GPR158: variants seen among roughly 807,000 people sequenced by gnomAD.
GPR158 encodes the protein metabotropic glycine receptor.
GPR158 carries 30 observed loss-of-function variants against 78.2 expected under a neutral mutation model. The observed-to-expected ratio is 0.38, with a 90% confidence interval of 0.29 to 0.52. GPR158 has a LOEUF of 0.52. Among genes scored for constraint, GPR158 ranks in the 20% least tolerant of loss-of-function variants. The probability of loss-of-function intolerance (pLI) is 0.83; values close to 1 mark genes in which losing one functional copy is unlikely to be tolerated. For missense variants in GPR158, 1,463 were observed against 1,523.5 expected, an observed-to-expected ratio of 0.96 and a Z score of 0.66; for synonymous variants, 581 against 591.1, an observed-to-expected ratio of 0.98 and a Z score of 0.25.
intron 2 of GPR158, among the ~76,000 whole-genome samples, chr10:25,310,876 T>G (rs1195766627): frequency 6.6e-6 from 1 of 152,090 alleles, no homozygotes; most frequent in African/African-American, 2.4e-5. Context: ...TTTGATACAC[T>G]TGGAATTGTG....
At chr10:25,552,920 A>G (rs1345883755) in intron 6 of GPR158, among the ~76,000 whole-genome samples, 1 of 152,228 alleles carries the variant, frequency 6.6e-6, no homozygotes, top group Non-Finnish European at 1.5e-5. Flanking sequence ...GATTATTTTC[A>G]GCAGAAAGAT....
intron 2 of GPR158, among the ~76,000 whole-genome samples, chr10:25,234,256 C>A (rs1256183649): frequency 6.6e-6 from 1 of 152,148 alleles, no homozygotes; most frequent in African/African-American, 2.4e-5. Flanking sequence ...CTCAGTTGTT[C>A]CCCTCTGCCT....
rs144095267 is a variant in GPR158 at position 25,191,757 on chromosome 10, A to C, written c.902+15435A>C. Among the ~76,000 whole-genome samples, 3 of 152,254 alleles carry C rather than the reference A, an allele frequency of 2.0e-5. No homozygotes were observed. The East Asian group carries it at 5.8e-4, about 29-fold the overall frequency. Reference sequence around the variant, plus strand: ...GTGAAGGAGCCTATCAGTACTGCAAATTTAAAATGTCTGGAAGGTGCTTTA... The same window carrying C: ...GTGAAGGAGCCTATCAGTACTGCAACTTTAAAATGTCTGGAAGGTGCTTTA... On this transcript the variant is annotated intron_variant, in intron 1 of 10. Transcript: ENST00000376351.
At chr10:25,379,111 A>G (rs573229694) in intron 2 of GPR158, among the ~76,000 whole-genome samples, 3 of 152,136 alleles carry the variant, frequency 2.0e-5, no homozygotes, top group Non-Finnish European at 4.4e-5. Context: ...TTTATATTGC[A>G]TTTAATTTCA....
intron 3 of GPR158, among the ~76,000 whole-genome samples, chr10:25,404,340 A>T (rs2130539388): frequency 6.6e-6 from 1 of 152,224 alleles, no homozygotes; most frequent in Middle Eastern, 3.4e-3. Context: ...GCAGTTTTTC[A>T]TGATAGCATG....
intron 2 of GPR158, among the ~76,000 whole-genome samples, chr10:25,239,308 A>G (rs1853571756): frequency 6.6e-6 from 1 of 152,126 alleles, no homozygotes; most frequent in Non-Finnish European, 1.5e-5. Flanking sequence ...AGCTGTGATT[A>G]AAACAATAGG....
chr10:25,319,765 T>A (rs66924755), intron 2 of GPR158, among the ~76,000 whole-genome samples: 30,567 of 151,864 alleles, frequency 0.2, 5,185 homozygotes, highest in African/African-American at 0.47. Flanking sequence ...TCAAGTCCTG[T>A]ATTTGTTAGT....
chr10:25,241,186 TTTCC>T (rs1853608484), intron 2 of GPR158, among the ~76,000 whole-genome samples: 1 of 104,776 alleles, frequency 9.5e-6, no homozygotes. Flanking sequence ...TCTTTCTTTC[TTTCC>T]TTTCTTTCTT....
intron 2 of GPR158, among the ~76,000 whole-genome samples, chr10:25,228,392 C>G (rs1853402558): frequency 1.3e-5 from 2 of 151,840 alleles, no homozygotes; most frequent in Admixed American, 6.6e-5. Flanking sequence ...CATATAGTAG[C>G]AAAAATTTAG....
At chr10:25,409,736 C>T (rs1213541705) in intron 3 of GPR158, among the ~76,000 whole-genome samples, 2 of 152,132 alleles carry the variant, frequency 1.3e-5, no homozygotes, top group Non-Finnish European at 2.9e-5. Context: ...TCATATAATT[C>T]CTCAATTTCC....
At chr10:25,365,367 C>G (rs1346809875) in intron 2 of GPR158, among the ~76,000 whole-genome samples, 1 of 151,678 alleles carries the variant, frequency 6.6e-6, no homozygotes, top group Non-Finnish European at 1.5e-5. Flanking sequence ...AGTCTAGTTC[C>G]TGCCTTTTGA....
chr10:25,537,721 G>A (rs1836518818), intron 5 of GPR158, among the ~76,000 whole-genome samples: 1 of 152,098 alleles, frequency 6.6e-6, no homozygotes, highest in African/African-American at 2.4e-5. Flanking sequence ...GGGCCTGGTG[G>A]GAGGTGACTG....
At chr10:25,311,204 G>A (rs1588791506) in intron 2 of GPR158, among the ~76,000 whole-genome samples, 2 of 146,920 alleles carry the variant, frequency 1.4e-5, no homozygotes, top group African/African-American at 2.7e-5. Context: ...CTTTCATAAC[G>A]CTATAAAAAC....
intron 6 of GPR158, among the ~76,000 whole-genome samples, chr10:25,552,927 A>G (rs1836746120): frequency 6.6e-6 from 1 of 152,242 alleles, no homozygotes; most frequent in Non-Finnish European, 1.5e-5. Flanking sequence ...TTCAGCAGAA[A>G]GATTAGTTGG....
At chr10:25,445,986 T>C (rs78516886) in intron 4 of GPR158, among the ~76,000 whole-genome samples, 4 of 151,848 alleles carry the variant, frequency 2.6e-5, no homozygotes, top group African/African-American at 9.7e-5. Flanking sequence ...GAACCAGAGA[T>C]AGATTTGAGT....
chr10:25,338,807 C>A (rs1283311430), intron 2 of GPR158, among the ~76,000 whole-genome samples: 2 of 150,580 alleles, frequency 1.3e-5, no homozygotes, highest in Non-Finnish European at 3.0e-5. Context: ...CAGAAATAAG[C>A]CTGCTGGAAT....
chr10:25,255,910 A>G (rs1034959025), intron 2 of GPR158, among the ~76,000 whole-genome samples: 2 of 152,196 alleles, frequency 1.3e-5, no homozygotes, highest in African/African-American at 4.8e-5. Flanking sequence ...TCCATACTCA[A>G]TGGGAGGGGA....
At chr10:25,447,161 T>C (rs550888158) in intron 4 of GPR158, among the ~76,000 whole-genome samples, 155 of 152,266 alleles carry the variant, frequency 1.0e-3, no homozygotes, top group African/African-American at 3.6e-3. Context: ...AATTTAACAA[T>C]AGATTTATAG....
intron 1 of GPR158, among the ~76,000 whole-genome samples, chr10:25,205,470 C>A (rs1588734005): frequency 1.3e-5 from 2 of 151,348 alleles, no homozygotes; most frequent in Admixed American, 6.6e-5. Context: ...TTTTATTTTT[C>A]TTTTTTCTTT....
Sources: allele counts gnomAD v4.1 joint callset (sites outside exome capture counted in the v4.1 genomes callset), GRCh38; gene constraint gnomAD v4.1.1; transcripts MANE v1.5; gene names NCBI Gene and HGNC (gene_info 2026-07-23, HGNC 2026-07-21).